CSMD1: variants seen among roughly 807,000 people sequenced by gnomAD.
CSMD1 encodes CUB and sushi domain-containing protein 1.
Under a neutral mutation model 417.5 loss-of-function variants are expected in CSMD1, and 213 were observed. The observed-to-expected ratio is 0.51, with a 90% CI of 0.46 to 0.57. The LOEUF (loss-of-function observed/expected upper bound fraction) is 0.57, where lower values mean the gene tolerates loss of function less well. CSMD1 is among the 20% of genes least tolerant of loss of function. CSMD1 has a pLI of 0.00. For missense variants in CSMD1, 6,923 were observed against 4,529.7 expected (o/e 1.53, Z -15.17); for synonymous variants, 2,862 against 1,736.8 (o/e 1.65, Z -16.11).
At chr8:4,200,413 G>C (rs747502683) in intron 3 of CSMD1, among the ~76,000 whole-genome samples, 1 of 152,070 alleles carries the variant, frequency 6.6e-6, no homozygotes, top group Non-Finnish European at 1.5e-5. Context: ...ATGAAAATTT[G>C]ATTTAAAAGA....
At chr8:4,008,600 C>CTTTTTTTTTTTTTTTTTT (rs1161117794) in intron 4 of CSMD1, among the ~76,000 whole-genome samples, 5 of 80,452 alleles carry the variant, frequency 6.2e-5, no homozygotes, top group East Asian at 4.0e-4. Context: ...TTCTTTTTTT[C>CTTTTTTTTTTTTTTTTTT]TTTTTTTTTT....
chr8:3,387,042 C>T (rs1320289579), intron 18 of CSMD1, among the ~76,000 whole-genome samples: 5 of 152,166 alleles, frequency 3.3e-5, no homozygotes, highest in African/African-American at 1.2e-4. Flanking sequence ...AGCTTCTGAG[C>T]TCAGAATGAG....
intron 2 of CSMD1, among the ~76,000 whole-genome samples, chr8:4,446,044 C>G (rs1411017112): frequency 6.6e-6 from 1 of 152,110 alleles, no homozygotes; most frequent in Non-Finnish European, 1.5e-5. Flanking sequence ...TGACACAGCC[C>G]AAGAAGAGGA....
chr8:3,623,952 G>T (rs537374991), intron 7 of CSMD1, among the ~76,000 whole-genome samples: 1 of 151,928 alleles, frequency 6.6e-6, no homozygotes, highest in Admixed American at 6.6e-5. Flanking sequence ...ACTCCAGCCT[G>T]GGTGACAGAA....
intron 12 of CSMD1, among the ~76,000 whole-genome samples, chr8:3,419,697 C>G (rs1364865931): frequency 6.6e-6 from 1 of 152,086 alleles, no homozygotes; most frequent in Non-Finnish European, 1.5e-5. Context: ...CTTTCGTCAC[C>G]TACAACGTTC....
chr8:3,495,280 A>G (rs560034568), intron 10 of CSMD1, among the ~76,000 whole-genome samples: 35 of 152,314 alleles, frequency 2.3e-4, no homozygotes, highest in Non-Finnish European at 4.7e-4. Flanking sequence ...TGAAAGAATC[A>G]TCACTGAGAC....
At chr8:3,270,750 T>G (rs1451925042) in intron 26 of CSMD1, among the ~76,000 whole-genome samples, 1 of 152,086 alleles carries the variant, frequency 6.6e-6, no homozygotes, top group African/African-American at 2.4e-5. Flanking sequence ...GGAAGGAACT[T>G]TGCTATTTGT....
chr8:3,664,541 CGTGA>C (rs1163470300), intron 7 of CSMD1, among the ~76,000 whole-genome samples: 2 of 152,122 alleles, frequency 1.3e-5, no homozygotes, highest in Non-Finnish European at 2.9e-5. Flanking sequence ...GGGTCAAGAG[CGTGA>C]GTGTTTCCTC....
rs1237601464 is a variant in CSMD1 at position 3,162,184 on chromosome 8, T to C, written c.5819A>G (p.Gln1940Arg). Residue 1940 changes from glutamine to arginine, a missense_variant, in exon 38 of 70, where the codon CAG becomes CGG. Gln to Arg is a conservative substitution (Grantham distance 43, BLOSUM62 1). Transcript: ENST00000635120. ...RYMVNDVLSFQCEPGYTLQGR... is the reference protein window; with the variant it reads ...RYMVNDVLSFRCEPGYTLQGR... ...CTGCAGGGTGTACCCGGGCTCGCAC[T>C]GGAAGGAGAGCACGTCGTTCACCAT... 6.2e-7 allele frequency: 1 copy of C among 1,609,322 alleles called. No individual in the cohort carries two copies.
intron 2 of CSMD1, among the ~76,000 whole-genome samples, chr8:4,496,160 C>A (rs942387049): frequency 1.3e-5 from 2 of 152,152 alleles, no homozygotes; most frequent in Non-Finnish European, 2.9e-5. Context: ...TCCTTTGAAA[C>A]CATACTATGA....
intron 1 of CSMD1, among the ~76,000 whole-genome samples, chr8:4,753,960 C>T (rs1221763099): frequency 6.6e-6 from 1 of 152,164 alleles, no homozygotes; most frequent in Non-Finnish European, 1.5e-5. Flanking sequence ...TTTAAAAAAG[C>T]AAATGAACAG....
chr8:4,030,941 T>C (rs1433710245), intron 4 of CSMD1, among the ~76,000 whole-genome samples: 3 of 152,228 alleles, frequency 2.0e-5, no homozygotes, highest in African/African-American at 4.8e-5. Context: ...ATCAGTCTTT[T>C]TGCTAAAACG....
chr8:4,090,224 G>T (rs990794998), intron 3 of CSMD1, among the ~76,000 whole-genome samples: 5 of 152,060 alleles, frequency 3.3e-5, no homozygotes, highest in South Asian at 2.1e-4. Flanking sequence ...AGTATTTTTG[G>T]CTTGTTTTTG....
chr8:4,638,493 G>A (rs1308150098), intron 1 of CSMD1, among the ~76,000 whole-genome samples: 1 of 152,184 alleles, frequency 6.6e-6, no homozygotes, highest in East Asian at 1.9e-4. Context: ...GAGCAGCTCA[G>A]CAAAACGAGG....
At chr8:3,712,505 C>G (rs150968529) in intron 6 of CSMD1, among the ~76,000 whole-genome samples, 93 of 152,238 alleles carry the variant, frequency 6.1e-4, no homozygotes, top group African/African-American at 2.2e-3. Context: ...TATGGCAAAT[C>G]CCTGCAATAG....
intron 29 of CSMD1, among the ~76,000 whole-genome samples, chr8:3,217,331 T>C (rs563750641): frequency 3.3e-5 from 5 of 152,212 alleles, no homozygotes; most frequent in Admixed American, 1.3e-4. Flanking sequence ...TAGATGGCCA[T>C]ACCGGTTACC....
intron 5 of CSMD1, among the ~76,000 whole-genome samples, chr8:3,860,605 A>T (rs938973947): frequency 1.3e-5 from 2 of 152,178 alleles, no homozygotes; most frequent in African/African-American, 2.4e-5. Context: ...TCATATATGA[A>T]CATAAGAGAC....
chr8:4,775,191 G>C lies in CSMD1; in HGVS notation c.86-137633C>G, dbSNP rs1041100477. Among the ~76,000 whole-genome samples the C allele has an allele frequency of 1.3e-4, 20 of 152,224 alleles. No homozygotes were observed. The East Asian group carries it at 3.5e-3, about 26-fold the overall frequency. On this transcript the variant is annotated intron_variant, in intron 1 of 69. Coordinates refer to ENST00000635120, the MANE Select transcript of CSMD1 (RefSeq NM_033225.6). ...ATATTCTCAACATCAACTAGAATTT[G>C]ATTATTTTTTTCTGATTGTAGGACA... is the stretch of plus-strand genomic sequence containing the variant.
intron 5 of CSMD1, among the ~76,000 whole-genome samples, chr8:3,866,506 G>T (rs1024250505): frequency 6.6e-6 from 1 of 152,256 alleles, no homozygotes; most frequent in South Asian, 2.1e-4. Flanking sequence ...TGCCTGACGT[G>T]GTAAAGCATC....
Sources: allele counts gnomAD v4.1 joint callset (sites outside exome capture counted in the v4.1 genomes callset), GRCh38; gene constraint gnomAD v4.1.1; transcripts MANE v1.5; gene names NCBI Gene and HGNC (gene_info 2026-07-23, HGNC 2026-07-21).